Variants in GNAO1 observed in about 807,000 individuals in gnomAD.
GNAO1 encodes the protein G protein subunit alpha o1, also known as guanine nucleotide-binding protein G(o) subunit alpha.
For synonymous variants in GNAO1, 164 were observed against 180.7 expected, an observed-to-expected ratio of 0.91 and a Z score of 0.74; for missense variants, 166 against 478.7, an observed-to-expected ratio of 0.35 and a Z score of 6.10.
intron 6 of GNAO1, among the ~76,000 whole-genome samples, chr16:56,337,260 A>G (rs764655457): frequency 7.9e-5 from 12 of 152,246 alleles, no homozygotes; most frequent in Non-Finnish European, 1.6e-4. Context: ...TCCCTGGGGC[A>G]CTGGCGTCAG....
chr16:56,339,907 AC>A, intron 6 of GNAO1: 1 of 152,506 alleles, frequency 6.6e-6, no homozygotes, highest in East Asian at 1.9e-4. Flanking sequence ...CCGCTGGGTG[AC>A]TTTGCTGTGA....
chr16:56,321,208 T>G (rs1444749258), intron 3 of GNAO1, among the ~76,000 whole-genome samples: 1 of 152,138 alleles, frequency 6.6e-6, no homozygotes, highest in Non-Finnish European at 1.5e-5. Flanking sequence ...GGGGTACAAG[T>G]GCAAAAATAA....
At chr16:56,263,915 C>T (rs1441271434) in intron 2 of GNAO1, among the ~76,000 whole-genome samples, 1 of 152,212 alleles carries the variant, frequency 6.6e-6, no homozygotes, top group African/African-American at 2.4e-5. Context: ...AGCAGCAGAG[C>T]TAAGACTTAG....
intron 2 of GNAO1, among the ~76,000 whole-genome samples, chr16:56,252,337 C>A (rs1406953225): frequency 6.6e-6 from 1 of 152,174 alleles, no homozygotes; most frequent in East Asian, 1.9e-4. Flanking sequence ...CTGGACAGGA[C>A]CCTCAGACAA....
At chr16:56,258,771 G>T (rs547508771) in intron 2 of GNAO1, among the ~76,000 whole-genome samples, 2 of 152,360 alleles carry the variant, frequency 1.3e-5, no homozygotes, top group South Asian at 4.1e-4. Context: ...AGAAGGCAGG[G>T]GAGAGTTTCC....
Position 56,354,844 on chromosome 16 carries a change from G to A in GNAO1, c.878-22G>A, listed in dbSNP as rs201064156. The A allele has an allele frequency of 4.5e-5, 70 of 1,562,236 alleles. No homozygotes were observed. Among genetic ancestry groups the A allele is most frequent in the Non-Finnish European group, 5.6e-5 (63 of 1,134,492 alleles). On this transcript the variant is annotated intron_variant, in intron 7 of 8. Coordinates refer to ENST00000262493, the MANE Select transcript of GNAO1 (RefSeq NM_020988.3). This position sits in a 1 kb window ranked among gnomAD's most constrained non-coding sequence, Gnocchi z 4.3. ...ACAGCGCTCATCAGGGCCTCTCCCC[G>A]TTCTTCTGTGTCTTGTTACAGGCCC...
At chr16:56,242,450 T>C (rs189491088) in intron 2 of GNAO1, among the ~76,000 whole-genome samples, 5 of 152,070 alleles carry the variant, frequency 3.3e-5, no homozygotes, top group African/African-American at 4.8e-5. Context: ...CAGTACAACA[T>C]GGTACTAGCA....
chr16:56,202,809 C>A (rs1466635799), intron 2 of GNAO1, among the ~76,000 whole-genome samples: 2 of 152,224 alleles, frequency 1.3e-5, no homozygotes, highest in African/African-American at 4.8e-5. Flanking sequence ...TCTATTAAAA[C>A]CACTCATTTA....
chr16:56,349,007 G>A (rs996472442), intron 6 of GNAO1, among the ~76,000 whole-genome samples: 4 of 152,160 alleles, frequency 2.6e-5, no homozygotes, highest in East Asian at 1.9e-4. Flanking sequence ...TTACATCCTC[G>A]GGGCAGCCCA....
At chr16:56,293,511 C>G (rs2037253559) in intron 3 of GNAO1, among the ~76,000 whole-genome samples, 2 of 152,172 alleles carry the variant, frequency 1.3e-5, no homozygotes, top group South Asian at 4.1e-4. Context: ...GTCCCATGTT[C>G]TGTGTGCAGA....
chr16:56,336,614 G>A, intron 5 of GNAO1, 117 bp from the exon 6 acceptor site: 1 of 920,188 alleles, frequency 1.1e-6, no homozygotes, highest in Non-Finnish European at 1.6e-6. Flanking sequence ...AGGGCTTTTA[G>A]CAAGGCTCTG....
intron 2 of GNAO1, among the ~76,000 whole-genome samples, chr16:56,238,276 G>A (rs1235911866): frequency 2.0e-5 from 3 of 152,186 alleles, no homozygotes; most frequent in African/African-American, 7.2e-5. Flanking sequence ...ATTGGAGCAA[G>A]GTTGGCTACT....
In GNAO1 at chr16:56,351,443, C is replaced by T. The variant is rs752997228; in HGVS notation, c.783C>T (p.Ile261=). 2.0e-5 allele frequency: 32 copies of T among 1,609,830 alleles called. No individual in the cohort carries two copies. Among genetic ancestry groups the T allele is most frequent in the South Asian group, 6.6e-5 (6 of 91,016 alleles). ...CCATCTGTAACAACAAGTTCTTCAT[C>T]GATACCTCCATCATTCTCTTCCTCA... The part of the protein sequence containing the change: ...FDSICNNKFF[I]DTSIILFLNK... The change falls in exon 7 of 9, where the codon ATC becomes ATT. Residue 261 remains isoleucine, a synonymous_variant. Coordinates refer to ENST00000262493, the MANE Select transcript of GNAO1 (RefSeq NM_020988.3). This position sits in a 1 kb window ranked among gnomAD's most constrained non-coding sequence, Gnocchi z 6.1.
chr16:56,228,819 T>C lies in GNAO1; in HGVS notation c.161+36203T>C, dbSNP rs551640778. 8.5e-5 allele frequency among the ~76,000 whole-genome samples: 13 copies of C among 152,256 alleles called. 2 individuals carry two copies. The highest frequency in any genetic ancestry group is 3.1e-4 in the African/African-American group (13 of 41,488). Reference sequence around the variant, plus strand: ...CACCCTATGTAAATTAGCATCCCACTGTTACCGCCCCTTCACTTACCCTGC... The same window carrying C: ...CACCCTATGTAAATTAGCATCCCACCGTTACCGCCCCTTCACTTACCCTGC... On this transcript the variant is annotated intron_variant, in intron 2 of 8. Coordinates refer to ENST00000262493, the MANE Select transcript of GNAO1 (RefSeq NM_020988.3).
At chr16:56,280,890 A>T (rs552086751) in intron 3 of GNAO1, among the ~76,000 whole-genome samples, 10 of 152,180 alleles carry the variant, frequency 6.6e-5, no homozygotes, top group Non-Finnish European at 1.5e-4. Context: ...GGATTCAGAG[A>T]ACTGAAGCTC....
chr16:56,256,714 C>T (rs112685110), intron 2 of GNAO1, among the ~76,000 whole-genome samples: 1 of 123,398 alleles, frequency 8.1e-6, no homozygotes, highest in South Asian at 2.7e-4. Flanking sequence ...CTCTCTCTCT[C>T]TCTCTGTGTG....
At chr16:56,276,272 C>A in intron 3 of GNAO1, 200 bp downstream of exon 3, 1 of 462,430 alleles carries the variant, frequency 2.2e-6, no homozygotes, top group South Asian at 4.3e-5. Context: ...ACCAACTTTG[C>A]AAGTTGCAGG....
intron 3 of GNAO1, among the ~76,000 whole-genome samples, chr16:56,281,985 A>G (rs912078423): frequency 6.6e-6 from 1 of 152,266 alleles, no homozygotes; most frequent in African/African-American, 2.4e-5. Context: ...ATGGACTAGT[A>G]GCAGTCATGC....
intron 6 of GNAO1, chr16:56,346,888 C>T: frequency 1.0e-6 from 1 of 985,468 alleles, no homozygotes; most frequent in Non-Finnish European, 1.2e-6. Context: ...CAGGGAAGGC[C>T]AAGGGATGGT....
Sources: gnomAD v4.1 joint callset for allele counts (sites outside exome capture counted in the v4.1 genomes callset) on GRCh38, gnomAD v4.1.1 for gene constraint, Gnocchi (gnomAD v3.1) non-coding constraint, MANE v1.5 for transcripts, NCBI Gene and HGNC (gene_info 2026-07-23, HGNC 2026-07-21) for gene names.